The following FLACC1 variants were observed in gnomAD, a reference collection of about 807,000 sequenced individuals.
FLACC1 encodes flagellum-associated coiled-coil domain-containing protein 1.
In FLACC1, 66 loss-of-function variants were observed where a neutral mutation model predicts 62.8. The ratio of observed to expected loss-of-function variants is 1.05; its 90% CI spans 0.86 to 1.29. The LOEUF (loss-of-function observed/expected upper bound fraction) is 1.29. FLACC1 is among the 50% of genes most tolerant of loss of function. FLACC1 has a pLI of 0.00. For missense variants in FLACC1, 452 were observed against 489.1 expected (o/e 0.92, Z 0.71); for synonymous variants, 156 against 161.0 (o/e 0.97, Z 0.24).
At chr2:201,323,649 T>C (rs1006574216) in intron 9 of FLACC1, among the ~76,000 whole-genome samples, 23 of 151,914 alleles carry the variant, frequency 1.5e-4, no homozygotes, top group Non-Finnish European at 3.1e-4. Flanking sequence ...TAGCCAGGTG[T>C]GATTGTGCAT....
chr2:201,308,688 T>A (rs1202636216), intron 10 of FLACC1, among the ~76,000 whole-genome samples: 1 of 152,210 alleles, frequency 6.6e-6, no homozygotes, highest in Non-Finnish European at 1.5e-5. Flanking sequence ...TAAAAATATT[T>A]ACCAAGTGTG....
chr2:201,322,890 A>G (rs765656741), intron 9 of FLACC1, among the ~76,000 whole-genome samples: 2 of 152,162 alleles, frequency 1.3e-5, no homozygotes, highest in Non-Finnish European at 2.9e-5. Context: ...GATATTATCA[A>G]GAAAAAACAA....
At chr2:201,305,009 G>A (rs571202730) in intron 11 of FLACC1, among the ~76,000 whole-genome samples, 2 of 152,184 alleles carry the variant, frequency 1.3e-5, no homozygotes, top group Non-Finnish European at 2.9e-5. Context: ...ATACCATTCA[G>A]GACATAGGCA....
intron 1 of FLACC1, among the ~76,000 whole-genome samples, chr2:201,352,980 A>C (rs1326637433): frequency 6.6e-6 from 1 of 152,200 alleles, no homozygotes; most frequent in African/African-American, 2.4e-5. Flanking sequence ...AGCCTCCGGA[A>C]GGAATGCAGC....
At chr2:201,294,621 A>T (rs1224922038) in intron 12 of FLACC1, among the ~76,000 whole-genome samples, 1 of 152,220 alleles carries the variant, frequency 6.6e-6, no homozygotes, top group Non-Finnish European at 1.5e-5. Context: ...AAAGACAGGG[A>T]TGCCCTCTCT....
chr2:201,308,290 C>T (rs1041563131), intron 10 of FLACC1, among the ~76,000 whole-genome samples: 1 of 152,178 alleles, frequency 6.6e-6, no homozygotes, highest in African/African-American at 2.4e-5. Context: ...TGGGATATGA[C>T]TTGGGTTCTA....
At chr2:201,314,545 A>G (rs1036915556) in intron 9 of FLACC1, among the ~76,000 whole-genome samples, 4 of 152,216 alleles carry the variant, frequency 2.6e-5, no homozygotes, top group Admixed American at 2.6e-4. Context: ...GGGATGTTAA[A>G]CAACCAAATG....
chr2:201,317,184 G>A (rs1370838187), intron 9 of FLACC1, among the ~76,000 whole-genome samples: 9 of 152,232 alleles, frequency 5.9e-5, no homozygotes, highest in Admixed American at 4.6e-4. Flanking sequence ...ACATAGTACT[G>A]GAAGTCCTAG....
chr2:201,340,890 G>A (rs902690913), intron 7 of FLACC1, among the ~76,000 whole-genome samples: 2 of 152,152 alleles, frequency 1.3e-5, no homozygotes, highest in Non-Finnish European at 2.9e-5. Context: ...ATTCTTGGTA[G>A]GCAGTTTTTT....
At chr2:201,358,411 A>ATTT (rs529458487), upstream of FLACC1, among the ~76,000 whole-genome samples, 80 of 120,398 alleles carry the variant, frequency 6.6e-4, 2 homozygotes, top group African/African-American at 1.5e-3. Flanking sequence ...TGCCCAGCTA[A>ATTT]TTTTTTTTTT....
intron 12 of FLACC1, among the ~76,000 whole-genome samples, chr2:201,290,902 G>A (rs1195120544): frequency 6.6e-6 from 1 of 152,200 alleles, no homozygotes; most frequent in Non-Finnish European, 1.5e-5. Context: ...GGCTCATAAG[G>A]TCCTACGCCC....
intron 3 of FLACC1, among the ~76,000 whole-genome samples, chr2:201,349,642 C>T (rs138778265): frequency 2.4e-3 from 368 of 152,192 alleles, no homozygotes; most frequent in African/African-American, 7.8e-3. Context: ...ATACAAAGAC[C>T]TAAAACTAAG....
At chr2:201,309,905 CAAAAAAAAAAAA>C (rs1161849891) in intron 9 of FLACC1, among the ~76,000 whole-genome samples, 1 of 44,670 alleles carries the variant, frequency 2.2e-5, no homozygotes, top group African/African-American at 6.1e-5. Flanking sequence ...GACTCTGTCT[CAAAAAAAAAAAA>C]AAAAAAAAAA....
chr2:201,300,710 C>T (rs1465993402), intron 11 of FLACC1, among the ~76,000 whole-genome samples: 2 of 151,658 alleles, frequency 1.3e-5, no homozygotes, highest in Admixed American at 1.3e-4. Context: ...AGCTGGGTGC[C>T]CCTCTGAGAT....
intron 12 of FLACC1, 96 bp downstream of exon 12, chr2:201,299,142 G>T: frequency 8.4e-7 from 1 of 1,192,998 alleles, no homozygotes; most frequent in Non-Finnish European, 1.2e-6. Flanking sequence ...ATTGGCTTTG[G>T]GGAAATTATC....
intron 11 of FLACC1, among the ~76,000 whole-genome samples, chr2:201,302,071 T>C (rs2125550667): frequency 6.6e-6 from 1 of 152,242 alleles, no homozygotes; most frequent in Middle Eastern, 3.4e-3. Flanking sequence ...GAGGATCAAA[T>C]TCACACATAA....
Position 201,330,156 on chromosome 2 carries a change from T to C in FLACC1, c.675+314A>G, listed in dbSNP as rs149372061. ...GATCTCAACTGCAGTTCTAACAAAG[T>C]ACAAATATTAACAGGGGTTGTCTTT... On this transcript the variant is annotated intron_variant, in intron 9 of 14. Coordinates refer to ENST00000392257, the MANE Select transcript of FLACC1 (RefSeq NM_001127391.3). Among the ~76,000 whole-genome samples, 17 of 152,348 alleles carry C rather than the reference T, an allele frequency of 1.1e-4. No individual in the cohort carries two copies. In the East Asian group the frequency reaches 3.3e-3, roughly 29 times the overall value.
At chr2:201,360,079 T>C (rs958686979), upstream of FLACC1, among the ~76,000 whole-genome samples, 8 of 152,172 alleles carry the variant, frequency 5.3e-5, no homozygotes, top group Non-Finnish European at 1.0e-4. Flanking sequence ...TACTTGGGTA[T>C]CCCCATTCTC....
intron 11 of FLACC1, among the ~76,000 whole-genome samples, chr2:201,303,712 A>G (rs1015946142): frequency 5.3e-5 from 8 of 152,218 alleles, no homozygotes; most frequent in African/African-American, 1.7e-4. Flanking sequence ...CCAGGATCAC[A>G]TCAAAGAGCT....
Sources: gnomAD v4.1 joint callset for allele counts (sites outside exome capture counted in the v4.1 genomes callset) on GRCh38, gnomAD v4.1.1 for gene constraint, MANE v1.5 for transcripts, NCBI Gene and HGNC (gene_info 2026-07-23, HGNC 2026-07-21) for gene names.